PTPRD: variants seen among roughly 807,000 people sequenced by gnomAD.
PTPRD encodes receptor-type tyrosine-protein phosphatase delta.
In PTPRD, 34 loss-of-function variants were observed where a neutral mutation model predicts 214.5. That is an observed-to-expected ratio of 0.16 (90% confidence interval 0.12 to 0.21). The LOEUF (loss-of-function observed/expected upper bound fraction) is 0.21, where lower values mean the gene tolerates loss of function less well. PTPRD is among the 10% of genes least tolerant of loss of function. The pLI is 1.00. For missense variants in PTPRD, 2,545 were observed against 2,398.7 expected (o/e 1.06, Z -1.27); for synonymous variants, 1,128 against 845.7 (o/e 1.33, Z -5.79).
At position 9,528,459 on chromosome 9, in the gene PTPRD, TA is replaced by T. The variant is rs200485457; in HGVS notation, c.-237+46272del. Among the ~76,000 whole-genome samples the T allele has an allele frequency of 7.9e-5, 12 of 151,216 alleles. No homozygotes were observed. The East Asian group carries it at 1.4e-3, about 17-fold the overall frequency. On this transcript the variant is annotated intron_variant, in intron 8 of 45. Transcript: ENST00000381196. Reference sequence around the variant, plus strand: ...GGATTGTCAGGAACTGAGAAAGCTTTAAAAAAAAAGATTGATAACAATGTAA... The same window carrying T: ...GGATTGTCAGGAACTGAGAAAGCTTTAAAAAAAAGATTGATAACAATGTAA...
At chr9:9,226,866 A>G (rs1271104336) in intron 9 of PTPRD, among the ~76,000 whole-genome samples, 1 of 152,136 alleles carries the variant, frequency 6.6e-6, no homozygotes. Flanking sequence ...AATCATATGA[A>G]GATATGGTCA....
At chr9:8,433,862 A>G (rs1460903724) in intron 35 of PTPRD, among the ~76,000 whole-genome samples, 1 of 152,218 alleles carries the variant, frequency 6.6e-6, no homozygotes, top group Non-Finnish European at 1.5e-5. Flanking sequence ...AGTCTACAGT[A>G]GTATACAGTA....
chr9:10,436,563 C>T (rs749999679), intron 2 of PTPRD, among the ~76,000 whole-genome samples: 2 of 151,498 alleles, frequency 1.3e-5, no homozygotes, highest in African/African-American at 2.4e-5. Context: ...ATATAAAATG[C>T]ACGTATTCTT....
chr9:10,213,469 T>C (rs894736523), intron 3 of PTPRD, among the ~76,000 whole-genome samples: 5 of 152,050 alleles, frequency 3.3e-5, no homozygotes, highest in African/African-American at 1.2e-4. Context: ...TGCAGAGGAC[T>C]TCAGGTCCTA....
At chr9:9,672,482 T>G (rs1016624715) in intron 7 of PTPRD, among the ~76,000 whole-genome samples, 8 of 152,146 alleles carry the variant, frequency 5.3e-5, no homozygotes, top group Non-Finnish European at 1.2e-4. Context: ...ATTTTACCTA[T>G]GAAGCACAGA....
rs200319440 is a variant in PTPRD at position 10,371,215 on chromosome 9, TA to T, written c.-599-30199del. On this transcript the variant is annotated intron_variant, in intron 2 of 45. Coordinates refer to ENST00000381196, the MANE Select transcript of PTPRD (RefSeq NM_002839.4). ...TGTCCACTGAAGACAATATGAATGA[TA>T]TATATTTAAATACCTTACAGTCTCT... is the stretch of plus-strand genomic sequence containing the variant. Among the ~76,000 whole-genome samples, 298 of 152,050 alleles carry T rather than the reference TA, an allele frequency of 2.0e-3. 8 individuals carry two copies. In the East Asian group the frequency reaches 0.052, roughly 26 times the overall value.
intron 12 of PTPRD, among the ~76,000 whole-genome samples, chr9:8,675,867 G>A (rs1353195248): frequency 6.6e-6 from 1 of 152,228 alleles, no homozygotes; most frequent in Middle Eastern, 3.4e-3. Flanking sequence ...TCTTCATAGT[G>A]AAGTCAGAGT....
chr9:10,575,494 G>T (rs1054780751), intron 2 of PTPRD, among the ~76,000 whole-genome samples: 1 of 152,038 alleles, frequency 6.6e-6, no homozygotes, highest in Non-Finnish European at 1.5e-5. Context: ...TTATGATCTA[G>T]AAATTAACTG....
rs142856978 is a variant in PTPRD, at chr9:10,080,549, C to T, written c.-544-46759G>A. 5.0e-3 allele frequency among the ~76,000 whole-genome samples: 762 copies of T among 152,136 alleles called. 19 individuals are homozygous for T. Among genetic ancestry groups the T allele is most frequent in the Admixed American group, 0.04 (606 of 15,272 alleles). ...CTGCTTAAACTCCTAGCCCTGGCCT[C>T]GCAGAAGACTCATATTTATTTGAAA... On this transcript the variant is annotated intron_variant, in intron 3 of 45. Transcript: ENST00000381196.
chr9:9,952,368 G>T (rs371682168), intron 4 of PTPRD, among the ~76,000 whole-genome samples: 10 of 152,164 alleles, frequency 6.6e-5, no homozygotes, highest in African/African-American at 2.4e-4. Flanking sequence ...GCAACACGTG[G>T]TGCCTTGACC....
chr9:9,633,201 A>C (rs999996488), intron 7 of PTPRD, among the ~76,000 whole-genome samples: 1 of 152,058 alleles, frequency 6.6e-6, no homozygotes, highest in Non-Finnish European at 1.5e-5. Flanking sequence ...AGGCTGAAGC[A>C]AGAGAATCAC....
At position 9,300,609 on chromosome 9, in the gene PTPRD, T is replaced by A. The variant is rs1231002316; in HGVS notation, c.-203+96840A>T. ...GTGGAGCCCTAATGAATGGGATTAG[T>A]GTCCTTATAAAAGGGACATCAGAGA... On this transcript the variant is annotated intron_variant, in intron 9 of 45. Transcript: ENST00000381196. Among the ~76,000 whole-genome samples the A allele has an allele frequency of 5.9e-5, 9 of 151,752 alleles. No homozygotes were observed. The Admixed American group carries it at 5.9e-4, about 10-fold the overall frequency.
intron 6 of PTPRD, among the ~76,000 whole-genome samples, chr9:9,737,445 G>C (rs76988588): frequency 0.04 from 6,154 of 152,042 alleles, 739 homozygotes; most frequent in East Asian, 0.4. Context: ...ACTAATTCCA[G>C]AATGTTTCTA....
chr9:8,636,623 C>G (rs2096443937), intron 13 of PTPRD, 76 bp downstream of exon 13: 1 of 1,536,616 alleles, frequency 6.5e-7, no homozygotes, highest in Non-Finnish European at 8.9e-7. Flanking sequence ...CAGAGTAAAG[C>G]AAGCAAGTAA....
intron 7 of PTPRD, among the ~76,000 whole-genome samples, chr9:9,675,470 T>C (rs1395756480): frequency 6.6e-6 from 1 of 151,596 alleles, no homozygotes; most frequent in Admixed American, 6.6e-5. Context: ...TTTAAAAATA[T>C]GATAAATACA....
intron 5 of PTPRD, among the ~76,000 whole-genome samples, chr9:9,863,882 T>C (rs1246956123): frequency 1.3e-5 from 2 of 151,926 alleles, no homozygotes; most frequent in African/African-American, 2.4e-5. Context: ...AAAGATTTGA[T>C]TGAACTATAC....
intron 2 of PTPRD, among the ~76,000 whole-genome samples, chr9:10,398,825 T>C (rs1292812568): frequency 6.6e-6 from 1 of 151,954 alleles, no homozygotes; most frequent in South Asian, 2.1e-4. Flanking sequence ...GAGGAGGTTA[T>C]TTTCATCCTC....
chr9:10,136,455 T>C (rs980700590), intron 3 of PTPRD, among the ~76,000 whole-genome samples: 5 of 152,114 alleles, frequency 3.3e-5, no homozygotes, highest in African/African-American at 1.2e-4. Context: ...ACTCAGAACA[T>C]ACTCTAAGAT....
intron 2 of PTPRD, among the ~76,000 whole-genome samples, chr9:10,414,138 C>T (rs10809089): frequency 0.084 from 12,737 of 151,774 alleles, 1,226 homozygotes; most frequent in East Asian, 0.54. Context: ...TTGGGCACAG[C>T]GAAAGCAACT....
Sources: allele counts gnomAD v4.1 joint callset (sites outside exome capture counted in the v4.1 genomes callset), GRCh38; gene constraint gnomAD v4.1.1; transcripts MANE v1.5; gene names NCBI Gene and HGNC (gene_info 2026-07-23, HGNC 2026-07-21).